The following EXD2 variants were observed in gnomAD, a reference collection of about 807,000 sequenced individuals.
EXD2 encodes exonuclease 3'-5' domain-containing protein 2.
A neutral mutation model predicts 62.5 loss-of-function variants in EXD2; 40 were observed. The observed-to-expected ratio is 0.64, with a 90% CI of 0.50 to 0.83. EXD2 has a LOEUF of 0.83. Ranked by LOEUF, EXD2 falls within the 40% of genes least tolerant of loss-of-function variation. The probability of loss-of-function intolerance (pLI) is 0.00; values close to 1 mark genes in which losing one functional copy is unlikely to be tolerated. For missense variants in EXD2, 671 were observed against 761.8 expected, an observed-to-expected ratio of 0.88 and a Z score of 1.40; for synonymous variants, 239 against 291.9, an observed-to-expected ratio of 0.82 and a Z score of 1.85.
chr14:69,221,000 G>C (rs984445185), intron 3 of EXD2, among the ~76,000 whole-genome samples: 14 of 152,142 alleles, frequency 9.2e-5, no homozygotes, highest in Non-Finnish European at 1.9e-4. Flanking sequence ...CCAGGTAGCT[G>C]GGACTACAGG....
intron 1 of EXD2, among the ~76,000 whole-genome samples, chr14:69,196,622 CTTTT>C (rs3045582): frequency 8.0e-5 from 11 of 136,788 alleles, no homozygotes; most frequent in Admixed American, 2.2e-4. Flanking sequence ...ATTGCCAGCA[CTTTT>C]TTTTTTTTTT....
intron 1 of EXD2, among the ~76,000 whole-genome samples, chr14:69,196,622 CT>C (rs3045582): frequency 0.37 from 50,046 of 136,528 alleles, 10,957 homozygotes; most frequent in African/African-American, 0.66. Context: ...ATTGCCAGCA[CT>C]TTTTTTTTTT....
At chr14:69,219,319 T>C (rs1045104948) in intron 3 of EXD2, among the ~76,000 whole-genome samples, 2 of 152,224 alleles carry the variant, frequency 1.3e-5, no homozygotes, top group African/African-American at 4.8e-5. Flanking sequence ...TGTCTGTTAT[T>C]GGTGTATAAA....
rs936894052 is a variant in EXD2 at position 69,209,481 on chromosome 14, A to G, written c.11A>G (p.Gln4Arg). 4.6e-6 allele frequency: 7 copies of G among 1,534,682 alleles called. No homozygotes were observed. The highest frequency in any genetic ancestry group is 6.1e-6 in the Non-Finnish European group (7 of 1,139,364). The change falls in exon 3 of 10, where the codon CAG becomes CGG. Residue 4 changes from glutamine (Q) to arginine (R), a missense_variant. Coordinates refer to ENST00000685843, the MANE Select transcript of EXD2 (RefSeq NM_001193360.2). The part of the protein sequence containing the change: MSR[Q>R]NLVALTVTTL... Reference sequence around the variant, plus strand: ...GTAGAAAAGTCGAAGATGTCTAGACAGAACTTAGTGGCTTTGACAGTGACT... The same window carrying G: ...GTAGAAAAGTCGAAGATGTCTAGACGGAACTTAGTGGCTTTGACAGTGACT...
intron 4 of EXD2, among the ~76,000 whole-genome samples, chr14:69,229,364 T>C (rs557940441): frequency 6.6e-5 from 10 of 152,358 alleles, no homozygotes; most frequent in Admixed American, 4.6e-4. Flanking sequence ...GGTTTTCTTT[T>C]TTCCCATATG....
intron 1 of EXD2, among the ~76,000 whole-genome samples, chr14:69,200,039 CGTTAGGACG>C (rs1474161841): frequency 1.3e-5 from 2 of 152,146 alleles, no homozygotes; most frequent in Non-Finnish European, 2.9e-5. Context: ...TGTGCAGCAA[CGTTAGGACG>C]GTTAGGATGG....
chr14:69,207,724 C>T (rs866973498), intron 2 of EXD2, among the ~76,000 whole-genome samples: 1 of 151,944 alleles, frequency 6.6e-6, no homozygotes, highest in African/African-American at 2.4e-5. Context: ...AGTTTATTGC[C>T]AGCATTTAAA....
Position 69,236,420 on chromosome 14 carries a change from A to G in EXD2, c.1170A>G (p.Glu390=). ...LDKGIGELVS[E]EPFVVKLRFE... ...TCTTCTCTTAAGAGCTGGTGAGTGA[A>G]GAGCCCTTTGTGGTGAAGCTACGGT... Residue 390 remains glutamate, a synonymous_variant, in exon 8 of 10, where the codon GAA becomes GAG. Coordinates refer to ENST00000685843, the MANE Select transcript of EXD2 (RefSeq NM_001193360.2). 4 of 1,614,144 alleles carry G rather than the reference A, an allele frequency of 2.5e-6. No homozygotes were observed. The highest frequency in any genetic ancestry group is 3.4e-6 in the Non-Finnish European group (4 of 1,180,028).
rs116403479 is a variant in EXD2 at position 69,226,750 on chromosome 14, A to T, written c.334-2066A>T. ...GCAACAGAGCGAGACTTGGAAAAAA[A>T]GTTGAGGGCCAGAGCCCTCCCAGTT... is the stretch of plus-strand genomic sequence containing the variant. On this transcript the variant is annotated intron_variant, in intron 3 of 9. Transcript: ENST00000685843. Among the ~76,000 whole-genome samples the T allele has an allele frequency of 9.6e-3, 1,444 of 150,636 alleles. 24 individuals are homozygous for T. The highest frequency in any genetic ancestry group is 0.034 in the African/African-American group (1,386 of 40,926).
rs1212685135 is a variant in EXD2 at position 69,221,809 on chromosome 14, C to T, written c.334-7007C>T. On this transcript the variant is annotated intron_variant, in intron 3 of 9. Transcript: ENST00000685843. ...TATTGGCTGGCTGGGTGAGGTGGCTCATGCCTATAATCCCAGCACTTTGGG... is the reference window on the plus strand; with the variant it reads ...TATTGGCTGGCTGGGTGAGGTGGCTTATGCCTATAATCCCAGCACTTTGGG... 8.8e-5 allele frequency among the ~76,000 whole-genome samples: 13 copies of T among 147,556 alleles called. No homozygotes were observed. The Admixed American group carries it at 9.1e-4, about 10-fold the overall frequency.
At chr14:69,240,074 G>C (rs969779421) in intron 9 of EXD2, among the ~76,000 whole-genome samples, 1 of 152,308 alleles carries the variant, frequency 6.6e-6, no homozygotes, top group Admixed American at 6.5e-5. Context: ...ATAATAAAGT[G>C]TCTGCAGATA....
In EXD2 at chr14:69,229,166, G is replaced by A. The variant is rs1330636603; in HGVS notation, c.590+94G>A. On this transcript the variant is annotated intron_variant, in intron 4 of 9. Coordinates refer to ENST00000685843, the MANE Select transcript of EXD2 (RefSeq NM_001193360.2). Reference sequence around the variant, plus strand: ...CCTGGGACTCAATAGTGAGACATGTGAAATTGTATAGGAGCCTAGAGGCTT... The same window carrying A: ...CCTGGGACTCAATAGTGAGACATGTAAAATTGTATAGGAGCCTAGAGGCTT... The A allele has an allele frequency of 3.3e-6, 5 of 1,497,680 alleles. No homozygotes were observed. In the East Asian group the frequency reaches 1.1e-4, roughly 34 times the overall value. 92.8% of individuals were successfully genotyped at this position (1,497,680 alleles called of 1,614,324 possible).
Position 69,241,700 on chromosome 14 carries a change from A to C in EXD2, c.*600A>C. ...CGTACTTGAAAAGGCTTTCCTTTACACTTCCAGGACCAAACAGCAACTTCC... is the reference window on the plus strand; with the variant it reads ...CGTACTTGAAAAGGCTTTCCTTTACCCTTCCAGGACCAAACAGCAACTTCC... On this transcript the variant is annotated 3_prime_UTR_variant, in exon 10 of 10. Transcript: ENST00000685843. 2.5e-6 allele frequency: 1 copy of C among 397,224 alleles called. No individual in the cohort carries two copies. The highest frequency in any genetic ancestry group is 4.4e-6 in the Non-Finnish European group (1 of 225,512). 24.6% of individuals were successfully genotyped at this position (397,224 alleles called of 1,614,324 possible). A position where few individuals can be genotyped will look rare whatever the true frequency, so the allele number is the denominator to read the frequency against.
chr14:69,215,246 T>A (rs749978871), intron 3 of EXD2, among the ~76,000 whole-genome samples: 13 of 152,010 alleles, frequency 8.6e-5, no homozygotes, highest in Non-Finnish European at 1.8e-4. Flanking sequence ...GCTGAGAGTG[T>A]GCCACTGCAC....
At chr14:69,210,625 C>G (rs1463628623) in intron 3 of EXD2, among the ~76,000 whole-genome samples, 28 of 152,186 alleles carry the variant, frequency 1.8e-4, no homozygotes, top group Non-Finnish European at 1.5e-5. Context: ...TCAGCCAGGT[C>G]AGCATAGCGA....
Position 69,240,971 on chromosome 14 carries a change from G to C in EXD2, c.1737G>C (p.Glu579Asp). The change falls in exon 10 of 10, where the codon GAG becomes GAC. Residue 579 changes from glutamate to aspartate, a missense_variant. Coordinates refer to ENST00000685843, the MANE Select transcript of EXD2 (RefSeq NM_001193360.2). The part of the protein sequence containing the change: ...QGGLRSLMQL[E>D]SRWRQHFLDS... ...GCCTGCGCTCCCTCATGCAGCTGGA[G>C]AGCCGCTGGCGTCAGCACTTCCTGG... 6.2e-7 allele frequency: 1 copy of C among 1,613,440 alleles called. No homozygotes were observed.
chr14:69,219,103 T>C (rs915682460), intron 3 of EXD2, among the ~76,000 whole-genome samples: 8 of 152,242 alleles, frequency 5.3e-5, no homozygotes, highest in Non-Finnish European at 8.8e-5. Context: ...TTGGGCAGTA[T>C]GGCCATTTTC....
At chr14:69,213,737 C>G (rs1293255557) in intron 3 of EXD2, among the ~76,000 whole-genome samples, 1 of 149,940 alleles carries the variant, frequency 6.7e-6, no homozygotes, top group Non-Finnish European at 1.5e-5. Context: ...AATCTTGACT[C>G]ACTGCAACCT....
intron 3 of EXD2, among the ~76,000 whole-genome samples, chr14:69,226,123 A>G (rs2043353388): frequency 6.6e-6 from 1 of 152,244 alleles, no homozygotes; most frequent in Admixed American, 6.5e-5. Flanking sequence ...TTTTATGTCA[A>G]ATTAGCAGTA....
Sources: allele counts gnomAD v4.1 joint callset (sites outside exome capture counted in the v4.1 genomes callset), GRCh38; gene constraint gnomAD v4.1.1; transcripts MANE v1.5; gene names NCBI Gene and HGNC (gene_info 2026-07-23, HGNC 2026-07-21).